Variants in GPC5 observed in about 807,000 individuals in gnomAD.
The protein encoded by GPC5 is glypican-5.
A neutral mutation model predicts 53.9 loss-of-function variants in GPC5; 47 were observed. The ratio of observed to expected loss-of-function variants is 0.87; its 90% CI spans 0.69 to 1.11. The LOEUF is 1.11. Ranked by LOEUF, GPC5 falls within the 50% of genes most tolerant of loss-of-function variation. The pLI is 0.00. For missense variants in GPC5, 748 were observed against 713.1 expected (o/e 1.05, Z -0.56); for synonymous variants, 286 against 263.3 (o/e 1.09, Z -0.84).
At chr13:91,595,643 C>G (rs9523371) in intron 2 of GPC5, among the ~76,000 whole-genome samples, 71,569 of 152,104 alleles carry the variant, frequency 0.47, 20,240 homozygotes, top group East Asian at 0.62. Context: ...CTGAACTTCC[C>G]TTTAAGCAGG....
chr13:92,563,562 G>T (rs1566295546), intron 7 of GPC5, among the ~76,000 whole-genome samples: 1 of 151,954 alleles, frequency 6.6e-6, no homozygotes, highest in East Asian at 1.9e-4. Context: ...TAAATCCAGT[G>T]CTCAATAACA....
chr13:91,704,174 A>G (rs73612045), intron 3 of GPC5, among the ~76,000 whole-genome samples: 2,677 of 152,204 alleles, frequency 0.018, 84 homozygotes, highest in African/African-American at 0.061. Context: ...TAGGTGTGTC[A>G]ATGTTGGGTG....
intron 7 of GPC5, among the ~76,000 whole-genome samples, chr13:92,488,211 G>A (rs1483336432): frequency 2.6e-5 from 4 of 151,866 alleles, no homozygotes; most frequent in East Asian, 1.9e-4. Flanking sequence ...TTTTTCTAAC[G>A]TGGCTGTGAC....
chr13:92,429,955 G>A (rs1275247372), intron 7 of GPC5, among the ~76,000 whole-genome samples: 1 of 151,986 alleles, frequency 6.6e-6, no homozygotes, highest in Non-Finnish European at 1.5e-5. Flanking sequence ...CTTGAAAATT[G>A]TGAAGAGAGT....
At chr13:92,176,563 A>G (rs1032877149) in intron 7 of GPC5, among the ~76,000 whole-genome samples, 3 of 152,124 alleles carry the variant, frequency 2.0e-5, no homozygotes, top group Non-Finnish European at 4.4e-5. Context: ...GAAGGGTTTG[A>G]CCCAAGGCAT....
chr13:92,504,726 T>C (rs1880307356), intron 7 of GPC5, among the ~76,000 whole-genome samples: 1 of 151,738 alleles, frequency 6.6e-6, no homozygotes, highest in African/African-American at 2.4e-5. Context: ...GCAATGACAA[T>C]AGAGAAAGGA....
chr13:92,671,007 G>A (rs896850931), intron 7 of GPC5, among the ~76,000 whole-genome samples: 15 of 152,196 alleles, frequency 9.9e-5, no homozygotes, highest in South Asian at 2.1e-4. Context: ...AAGATCACCC[G>A]TAAGCATAAT....
chr13:91,623,115 C>T (rs921415650), intron 2 of GPC5, among the ~76,000 whole-genome samples: 4 of 152,036 alleles, frequency 2.6e-5, no homozygotes, highest in Admixed American at 2.6e-4. Flanking sequence ...TCATCTATCT[C>T]CATCTATACC....
At chr13:91,992,443 TG>T (rs1475412603) in intron 6 of GPC5, among the ~76,000 whole-genome samples, 1 of 149,138 alleles carries the variant, frequency 6.7e-6, no homozygotes, top group Non-Finnish European at 1.5e-5. Flanking sequence ...TTTAAACATT[TG>T]TATGAAGCTA....
chr13:92,713,008 C>T (rs144905814), intron 7 of GPC5, among the ~76,000 whole-genome samples: 190 of 152,100 alleles, frequency 1.2e-3, no homozygotes, highest in African/African-American at 4.3e-3. Flanking sequence ...TTTAAATTTA[C>T]TCCACCCAGG....
chr13:92,085,803 G>T (rs1302889141), intron 6 of GPC5, among the ~76,000 whole-genome samples: 1 of 152,034 alleles, frequency 6.6e-6, no homozygotes, highest in East Asian at 1.9e-4. Context: ...TTGACAGTAG[G>T]GTTCATACTC....
chr13:91,942,733 T>C (rs1418259938), intron 6 of GPC5, among the ~76,000 whole-genome samples: 1 of 152,096 alleles, frequency 6.6e-6, no homozygotes, highest in East Asian at 1.9e-4. Flanking sequence ...TATGTGTGTG[T>C]GTGTTAGATA....
At chr13:92,466,271 A>T (rs556372727) in intron 7 of GPC5, among the ~76,000 whole-genome samples, 3 of 152,150 alleles carry the variant, frequency 2.0e-5, no homozygotes, top group South Asian at 2.1e-4. Flanking sequence ...GTATCAGGAC[A>T]AACTGACTTA....
At chr13:91,602,653 G>A (rs1029857585) in intron 2 of GPC5, among the ~76,000 whole-genome samples, 1 of 152,066 alleles carries the variant, frequency 6.6e-6, no homozygotes, top group Non-Finnish European at 1.5e-5. Context: ...CAGTCTTAAC[G>A]TGATTGATGA....
At chr13:91,695,372 A>C (rs2035857191) in intron 3 of GPC5, among the ~76,000 whole-genome samples, 1 of 151,664 alleles carries the variant, frequency 6.6e-6, no homozygotes, top group Non-Finnish European at 1.5e-5. Flanking sequence ...TATTATTATT[A>C]TTATTTATTT....
chr13:92,528,515 A>G (rs2057755235), intron 7 of GPC5, among the ~76,000 whole-genome samples: 1 of 151,990 alleles, frequency 6.6e-6, no homozygotes, highest in African/African-American at 2.4e-5. Flanking sequence ...CTCTGTCTCT[A>G]AATGATAAGG....
chr13:92,067,721 G>C (rs2041178453), intron 6 of GPC5, among the ~76,000 whole-genome samples: 1 of 151,846 alleles, frequency 6.6e-6, no homozygotes, highest in Admixed American at 6.6e-5. Context: ...ATATAATAAA[G>C]GCAATAATCT....
chr13:92,539,402 G>T (rs78976909), intron 7 of GPC5, among the ~76,000 whole-genome samples: 1 of 151,988 alleles, frequency 6.6e-6, no homozygotes, highest in Admixed American at 6.6e-5. Context: ...GTTTTGATTC[G>T]CATTTCTCTG....
intron 6 of GPC5, among the ~76,000 whole-genome samples, chr13:92,036,261 T>C (rs985367818): frequency 2.6e-5 from 4 of 152,198 alleles, no homozygotes; most frequent in African/African-American, 9.7e-5. Flanking sequence ...ATTTATCTGT[T>C]TCATGTTCCT....
Sources: gnomAD v4.1 joint callset for allele counts (sites outside exome capture counted in the v4.1 genomes callset) on GRCh38, gnomAD v4.1.1 for gene constraint, MANE v1.5 for transcripts, NCBI Gene and HGNC (gene_info 2026-07-23, HGNC 2026-07-21) for gene names.